The following PDE3B variants were observed in gnomAD, a reference collection of about 807,000 sequenced individuals.
The protein encoded by PDE3B is phosphodiesterase 3B.
PDE3B carries 66 observed loss-of-function variants against 116.8 expected under a neutral mutation model. That is an observed-to-expected ratio of 0.56 (90% CI 0.46 to 0.69). PDE3B has a LOEUF of 0.69. Among genes scored for constraint, PDE3B ranks in the 30% least tolerant of loss-of-function variants. The probability of loss-of-function intolerance (pLI) is 0.00; values close to 1 mark genes in which losing one functional copy is unlikely to be tolerated. For missense variants in PDE3B, 1,384 were observed against 1,368.1 expected, an observed-to-expected ratio of 1.01 and a Z score of -0.18; for synonymous variants, 595 against 533.6, an observed-to-expected ratio of 1.12 and a Z score of -1.59.
intron 1 of PDE3B, among the ~76,000 whole-genome samples, chr11:14,695,773 T>G (rs1186118379): frequency 6.6e-6 from 1 of 151,994 alleles, no homozygotes; most frequent in Non-Finnish European, 1.5e-5. Flanking sequence ...CAGTGTTTGG[T>G]TTTCTCTTCC....
intron 1 of PDE3B, among the ~76,000 whole-genome samples, chr11:14,679,772 CT>C (rs1459944424): frequency 2.0e-5 from 3 of 151,846 alleles, no homozygotes; most frequent in South Asian, 2.1e-4. Context: ...TTCCCTTACT[CT>C]ACTCGACTGG....
At chr11:14,809,557 G>A (rs551933491) in intron 5 of PDE3B, among the ~76,000 whole-genome samples, 2 of 152,276 alleles carry the variant, frequency 1.3e-5, no homozygotes, top group African/African-American at 4.8e-5. Flanking sequence ...GTATATTAGT[G>A]GTTGCTATGG....
intron 4 of PDE3B, among the ~76,000 whole-genome samples, chr11:14,794,137 T>C (rs929984739): frequency 3.9e-5 from 6 of 152,028 alleles, no homozygotes; most frequent in Non-Finnish European, 8.8e-5. Flanking sequence ...CATTCCCAAG[T>C]GAGTAGAAAA....
At chr11:14,692,780 G>GA (rs1855082468) in intron 1 of PDE3B, among the ~76,000 whole-genome samples, 1 of 152,088 alleles carries the variant, frequency 6.6e-6, no homozygotes, top group African/African-American at 2.4e-5. Flanking sequence ...CTGCAATAAT[G>GA]AAAATGGGCC....
At chr11:14,830,566 C>T (rs937398964) in intron 7 of PDE3B, 132 bp from the exon 8 acceptor site, 7 of 417,824 alleles carry the variant, frequency 1.7e-5, no homozygotes, top group South Asian at 8.0e-5. Context: ...TTAATGGTAT[C>T]GTGAAATAAT....
intron 1 of PDE3B, among the ~76,000 whole-genome samples, chr11:14,766,562 A>T (rs1565127484): frequency 6.6e-6 from 1 of 151,736 alleles, no homozygotes; most frequent in African/African-American, 2.4e-5. Context: ...GAAAAGATGT[A>T]TACTCTGTAT....
At chr11:14,732,997 C>G (rs1856501802) in intron 1 of PDE3B, among the ~76,000 whole-genome samples, 1 of 152,172 alleles carries the variant, frequency 6.6e-6, no homozygotes, top group Non-Finnish European at 1.5e-5. Flanking sequence ...TGTTAAGACA[C>G]ACTTAAATTC....
chr11:14,704,844 GA>G (rs1459399972), intron 1 of PDE3B, among the ~76,000 whole-genome samples: 1 of 151,240 alleles, frequency 6.6e-6, no homozygotes, highest in Non-Finnish European at 1.5e-5. Context: ...AACCATAAAA[GA>G]AAAAAATTCA....
chr11:14,742,761 G>A (rs748211656), intron 1 of PDE3B, among the ~76,000 whole-genome samples: 1 of 151,992 alleles, frequency 6.6e-6, no homozygotes, highest in Non-Finnish European at 1.5e-5. Context: ...TCTGGATGGG[G>A]TCTTTGAGTG....
At chr11:14,744,689 C>G (rs1856861768) in intron 1 of PDE3B, among the ~76,000 whole-genome samples, 1 of 151,904 alleles carries the variant, frequency 6.6e-6, no homozygotes, top group Non-Finnish European at 1.5e-5. Flanking sequence ...GAAAGGCTGG[C>G]AAAAAGGAAA....
chr11:14,847,795 T>C (rs1170301361), intron 12 of PDE3B, among the ~76,000 whole-genome samples: 2 of 152,218 alleles, frequency 1.3e-5, no homozygotes, highest in Non-Finnish European at 2.9e-5. Flanking sequence ...CAGGAAGAAG[T>C]TGACTCTCTG....
intron 14 of PDE3B, among the ~76,000 whole-genome samples, chr11:14,866,226 A>T (rs1174605208): frequency 1.3e-5 from 2 of 152,202 alleles, no homozygotes; most frequent in African/African-American, 4.8e-5. Context: ...ATGTTATCTC[A>T]GAGAGTTTCA....
At chr11:14,692,300 G>A (rs1855063758) in intron 1 of PDE3B, among the ~76,000 whole-genome samples, 1 of 151,288 alleles carries the variant, frequency 6.6e-6, no homozygotes, top group African/African-American at 2.4e-5. Context: ...AATAATAATA[G>A]TATCTACACC....
the PDE3B span, among the ~76,000 whole-genome samples, chr11:14,896,604 T>G: frequency 6.6e-6 from 1 of 152,224 alleles, no homozygotes; most frequent in Non-Finnish European, 1.5e-5. Flanking sequence ...ATGTGATCAG[T>G]CTTGGAGGTC....
chr11:14,683,501 T>C (rs1046093724), intron 1 of PDE3B, among the ~76,000 whole-genome samples: 3 of 152,100 alleles, frequency 2.0e-5, no homozygotes, highest in African/African-American at 7.2e-5. Context: ...CCTTTTAATA[T>C]CTATGGAGTC....
At chr11:14,810,650 C>A (rs1455942610) in intron 5 of PDE3B, among the ~76,000 whole-genome samples, 1 of 148,056 alleles carries the variant, frequency 6.8e-6, no homozygotes, top group Non-Finnish European at 1.5e-5. Flanking sequence ...GTCTTTATAG[C>A]AGCATGATTT....
rs1233530431 is a variant in PDE3B, at chr11:14,699,910, T to C, written c.978+54857T>C. On this transcript the variant is annotated intron_variant, in intron 1 of 15. Transcript: ENST00000282096. Reference sequence around the variant, plus strand: ...CTTTTTCGAGAGCTCAGTTAATCCTTCTGGGACTTTTGAAATTGCTATCTC... The same window carrying C: ...CTTTTTCGAGAGCTCAGTTAATCCTCCTGGGACTTTTGAAATTGCTATCTC... Among the ~76,000 whole-genome samples the C allele has an allele frequency of 2.0e-5, 3 of 151,828 alleles. No homozygotes were observed. The East Asian group carries it at 5.8e-4, about 29-fold the overall frequency.
At chr11:14,669,631 G>A (rs1854305138) in intron 1 of PDE3B, among the ~76,000 whole-genome samples, 2 of 135,712 alleles carry the variant, frequency 1.5e-5, no homozygotes, top group African/African-American at 2.8e-5. Context: ...CCCACGACAG[G>A]CCCCATTGTG....
intron 1 of PDE3B, among the ~76,000 whole-genome samples, chr11:14,747,710 G>A (rs778535906): frequency 2.6e-5 from 4 of 152,146 alleles, no homozygotes; most frequent in Non-Finnish European, 4.4e-5. Flanking sequence ...GGGAGGGAAG[G>A]AGGGGAGAAT....
Sources: allele counts gnomAD v4.1 joint callset (sites outside exome capture counted in the v4.1 genomes callset), GRCh38; gene constraint gnomAD v4.1.1; transcripts MANE v1.5; gene names NCBI Gene and HGNC (gene_info 2026-07-23, HGNC 2026-07-21).